Variants in FBN2 observed in about 807,000 individuals in gnomAD.
FBN2 encodes fibrillin-2.
Under a neutral mutation model 355.6 loss-of-function variants are expected in FBN2, and 105 were observed. The observed-to-expected ratio is 0.30, with a 90% CI of 0.25 to 0.35. FBN2 has a LOEUF of 0.35. Ranked by LOEUF, FBN2 falls within the 10% of genes least tolerant of loss-of-function variation. The pLI is 1.00. For missense variants in FBN2, 3,280 were observed against 3,758.7 expected (o/e 0.87, Z 3.33); for synonymous variants, 1,350 against 1,301.2 (o/e 1.04, Z -0.81).
At chr5:128,406,056 CTA>C (rs981387664) in intron 8 of FBN2, among the ~76,000 whole-genome samples, 1 of 152,148 alleles carries the variant, frequency 6.6e-6, no homozygotes, top group African/African-American at 2.4e-5. Context: ...TATTATTTTC[CTA>C]TAGAGTTCAA....
chr5:128,473,083 T>G (rs1754915765), intron 5 of FBN2, among the ~76,000 whole-genome samples: 1 of 152,200 alleles, frequency 6.6e-6, no homozygotes, highest in South Asian at 2.1e-4. Context: ...TAGGCACTCT[T>G]CAACATACTT....
chr5:128,510,132 G>T (rs908921805), intron 5 of FBN2, among the ~76,000 whole-genome samples: 25 of 152,268 alleles, frequency 1.6e-4, no homozygotes, highest in South Asian at 8.3e-4. Context: ...GCTAGGCCGT[G>T]CCTGGATTTT....
At chr5:128,429,951 C>T in intron 7 of FBN2, among the ~76,000 whole-genome samples, 2 of 152,150 alleles carry the variant, frequency 1.3e-5, no homozygotes, top group East Asian at 3.8e-4. Context: ...CATCTTCAAG[C>T]ACTACAAATC....
At chr5:128,454,522 G>C (rs1247353040) in intron 6 of FBN2, among the ~76,000 whole-genome samples, 2 of 152,138 alleles carry the variant, frequency 1.3e-5, no homozygotes, top group Non-Finnish European at 2.9e-5. Flanking sequence ...TAATAGCCAA[G>C]TTTACTTTTT....
intron 6 of FBN2, among the ~76,000 whole-genome samples, chr5:128,452,639 A>G (rs1025306800): frequency 6.6e-6 from 1 of 152,202 alleles, no homozygotes. Flanking sequence ...AGAAATTACT[A>G]CTATATTTCA....
intron 7 of FBN2, among the ~76,000 whole-genome samples, chr5:128,412,600 A>C (rs1221049960): frequency 2.0e-5 from 3 of 152,238 alleles, no homozygotes; most frequent in East Asian, 1.9e-4. Context: ...AACAAAAAAC[A>C]GCATGGGCAA....
chr5:128,402,303 A>T (rs1752817686), intron 8 of FBN2, among the ~76,000 whole-genome samples: 1 of 152,180 alleles, frequency 6.6e-6, no homozygotes. Context: ...TGCTTGCTAT[A>T]TGTTTAACTG....
At chr5:128,300,416 G>A (rs1044297463) in intron 48 of FBN2, among the ~76,000 whole-genome samples, 2 of 152,204 alleles carry the variant, frequency 1.3e-5, no homozygotes, top group African/African-American at 4.8e-5. Flanking sequence ...GAAAAAGAAT[G>A]TCTCAACAGC....
At chr5:128,407,963 C>T (rs1752974017) in intron 8 of FBN2, among the ~76,000 whole-genome samples, 1 of 152,192 alleles carries the variant, frequency 6.6e-6, no homozygotes, top group African/African-American at 2.4e-5. Context: ...CTAATTCCTG[C>T]ACTACATGAA....
At chr5:128,409,000 C>A (rs1753002476) in intron 7 of FBN2, among the ~76,000 whole-genome samples, 1 of 152,026 alleles carries the variant, frequency 6.6e-6, no homozygotes, top group African/African-American at 2.4e-5. Flanking sequence ...ACTCCCATGG[C>A]AGTTAAAACA....
In FBN2 at chr5:128,270,260, C is replaced by T. The variant is rs147885858; in HGVS notation, c.7960+1739G>A. On this transcript the variant is annotated intron_variant, in intron 62 of 64. Coordinates refer to ENST00000262464, the MANE Select transcript of FBN2 (RefSeq NM_001999.4). Reference sequence around the variant, plus strand: ...CCCTAGAAGAGGCTGGGCATGGTGGCTCATGCTTGTAATCCCAGCACTTTG... The same window carrying T: ...CCCTAGAAGAGGCTGGGCATGGTGGTTCATGCTTGTAATCCCAGCACTTTG... Among the ~76,000 whole-genome samples, 37 of 152,328 alleles carry T rather than the reference C, an allele frequency of 2.4e-4. No homozygotes were observed. The East Asian group carries it at 6.4e-3, about 26-fold the overall frequency.
At chr5:128,393,799 G>A (rs1214222166) in intron 9 of FBN2, among the ~76,000 whole-genome samples, 2 of 151,968 alleles carry the variant, frequency 1.3e-5, no homozygotes, top group Admixed American at 6.6e-5. Flanking sequence ...TTTTTCAGGA[G>A]ATTAGGTATT....
chr5:128,344,256 A>T (rs1751106357), intron 25 of FBN2, 129 bp downstream of exon 25: 1 of 985,678 alleles, frequency 1.0e-6, no homozygotes, highest in Admixed American at 2.1e-5. Context: ...TTCTCTAAAA[A>T]GAAATTAATA....
chr5:128,460,134 G>A (rs950725872), intron 6 of FBN2, among the ~76,000 whole-genome samples: 2 of 152,158 alleles, frequency 1.3e-5, no homozygotes, highest in African/African-American at 2.4e-5. Context: ...CAAAATCGGT[G>A]TGCAAAAATC....
At chr5:128,417,657 A>C (rs1258553202) in intron 7 of FBN2, among the ~76,000 whole-genome samples, 1 of 152,000 alleles carries the variant, frequency 6.6e-6, no homozygotes. Flanking sequence ...ATGCTTCTGG[A>C]TTTGCATATG....
At chr5:128,434,922 T>C (rs1359957702) in intron 7 of FBN2, among the ~76,000 whole-genome samples, 1 of 152,172 alleles carries the variant, frequency 6.6e-6, no homozygotes, top group Admixed American at 6.5e-5. Context: ...TTTATGTCTC[T>C]GAGAAAGATG....
At chr5:128,471,177 G>T (rs747355442) in intron 5 of FBN2, among the ~76,000 whole-genome samples, 1 of 151,940 alleles carries the variant, frequency 6.6e-6, no homozygotes, top group Non-Finnish European at 1.5e-5. Context: ...CTTAATCTAA[G>T]GATCCTGGCT....
chr5:128,433,448 A>G (rs2127034009), intron 7 of FBN2, among the ~76,000 whole-genome samples: 1 of 152,330 alleles, frequency 6.6e-6, no homozygotes, highest in Admixed American at 6.5e-5. Context: ...AATCCTTAAA[A>G]CAGGTAAGAA....
At chr5:128,322,181 T>C (rs190228826) in intron 34 of FBN2, among the ~76,000 whole-genome samples, 15 of 152,340 alleles carry the variant, frequency 9.8e-5, no homozygotes, top group African/African-American at 3.6e-4. Context: ...ATTCTGGATA[T>C]TAGCCCTTTG....
Sources: gnomAD v4.1 joint callset for allele counts (sites outside exome capture counted in the v4.1 genomes callset) on GRCh38, gnomAD v4.1.1 for gene constraint, MANE v1.5 for transcripts, NCBI Gene and HGNC (gene_info 2026-07-23, HGNC 2026-07-21) for gene names.